The following PDZD2 variants were observed in gnomAD, a reference collection of about 807,000 sequenced individuals.
PDZD2 encodes the protein PDZ domain-containing protein 2.
Under a neutral mutation model 220.7 loss-of-function variants are expected in PDZD2, and 90 were observed. That is an observed-to-expected ratio of 0.41 (90% CI 0.34 to 0.49). The LOEUF (loss-of-function observed/expected upper bound fraction) is 0.49. Ranked by LOEUF, PDZD2 falls within the 20% of genes least tolerant of loss-of-function variation. The pLI is 0.28. For missense variants in PDZD2, 3,174 were observed against 3,608.5 expected (o/e 0.88, Z 3.08); for synonymous variants, 1,375 against 1,450.5 (o/e 0.95, Z 1.18).
chr5:31,917,266 G>A (rs1007762377), intron 2 of PDZD2, among the ~76,000 whole-genome samples: 4 of 152,202 alleles, frequency 2.6e-5, no homozygotes, highest in African/African-American at 9.6e-5. Flanking sequence ...AGTGAGATCT[G>A]GATGGGTGCA....
At chr5:31,785,328 C>T (rs944262810) in intron 1 of PDZD2, among the ~76,000 whole-genome samples, 1 of 150,724 alleles carries the variant, frequency 6.6e-6, no homozygotes, top group African/African-American at 2.4e-5. Context: ...TGTGGCACCT[C>T]CCTGGCAGTG....
chr5:31,804,136 T>G (rs1287824662), intron 2 of PDZD2, among the ~76,000 whole-genome samples: 1 of 152,124 alleles, frequency 6.6e-6, no homozygotes, highest in Admixed American at 6.5e-5. Flanking sequence ...AAATCTTGTT[T>G]AGTGGTCAGC....
In PDZD2 at chr5:31,874,800, G is replaced by A. The variant is rs181884077; in HGVS notation, c.476+75076G>A. Among the ~76,000 whole-genome samples the A allele has an allele frequency of 6.9e-4, 104 of 150,188 alleles. 1 individual carries two copies. The highest frequency in any genetic ancestry group is 2.4e-3 in the African/African-American group (98 of 40,900). On this transcript the variant is annotated intron_variant, in intron 2 of 24. Transcript: ENST00000438447. Reference sequence around the variant, plus strand: ...AAGATAAAATGCAAAACAGAATCTAGCAAACATCTATATGTCTGCCACTCA... The same window carrying A: ...AAGATAAAATGCAAAACAGAATCTAACAAACATCTATATGTCTGCCACTCA...
chr5:31,898,179 G>T (rs1270441044), intron 2 of PDZD2, among the ~76,000 whole-genome samples: 4 of 152,218 alleles, frequency 2.6e-5, no homozygotes, highest in African/African-American at 9.6e-5. Context: ...AGTATGGTCG[G>T]ATCCAGAGCT....
chr5:32,034,174 G>GT (rs1755341983), intron 6 of PDZD2, among the ~76,000 whole-genome samples: 1 of 152,004 alleles, frequency 6.6e-6, no homozygotes, highest in Admixed American at 6.6e-5. Context: ...GGCTGGCATG[G>GT]TTTTCCTTGC....
intron 5 of PDZD2, among the ~76,000 whole-genome samples, chr5:32,003,331 C>CCCAACACACACA: frequency 1.4e-5 from 1 of 69,710 alleles, no homozygotes; most frequent in Non-Finnish European, 2.5e-5. Flanking sequence ...ACACACACCC[C>CCCAACACACACA]CACCACACCA....
chr5:31,881,759 AG>A (rs1355481742), intron 2 of PDZD2, among the ~76,000 whole-genome samples: 1 of 151,058 alleles, frequency 6.6e-6, no homozygotes, highest in Non-Finnish European at 1.5e-5. Context: ...TCTGTCACTC[AG>A]GCTGGAGTGC....
chr5:31,903,375 G>A (rs1245594652), intron 2 of PDZD2, among the ~76,000 whole-genome samples: 1 of 151,882 alleles, frequency 6.6e-6, no homozygotes, highest in Non-Finnish European at 1.5e-5. Flanking sequence ...GGTCGGGCAT[G>A]GTGGCTGACA....
chr5:32,003,405 C>T (rs1752529238), intron 5 of PDZD2, among the ~76,000 whole-genome samples: 1 of 117,400 alleles, frequency 8.5e-6, no homozygotes, highest in African/African-American at 3.2e-5. Context: ...CACACACACA[C>T]TCCTCCACAC....
Position 32,011,559 on chromosome 5 carries a change from G to T in PDZD2, c.1407+1077G>T, listed in dbSNP as rs372670708. Among the ~76,000 whole-genome samples the T allele has an allele frequency of 6.0e-4, 91 of 152,216 alleles. No homozygotes were observed. The South Asian group carries it at 0.01, about 17-fold the overall frequency. ...TCTTTGCGTCCCAAATCTGAAAGAT[G>T]TGTCATTTTTAGTGTGAACTCTTAT... On this transcript the variant is annotated intron_variant, in intron 6 of 24. Transcript: ENST00000438447.
At chr5:31,749,934 C>T (rs1439263194) in intron 1 of PDZD2, among the ~76,000 whole-genome samples, 1 of 152,208 alleles carries the variant, frequency 6.6e-6, no homozygotes, top group South Asian at 2.1e-4. Context: ...TGGCATCCCG[C>T]CATGATGTTG....
chr5:32,074,459 A>G lies in PDZD2; in HGVS notation c.3353A>G (p.His1118Arg), dbSNP rs1188986589. The G allele has an allele frequency of 1.9e-6, 3 of 1,613,986 alleles. No individual in the cohort carries two copies. The change falls in exon 18 of 25, where the codon CAC becomes CGC. Residue 1118 changes from histidine (H) to arginine (R), a missense_variant. Around this residue, in one of 4 missense-constraint regions of PDZD2, gnomAD observed 1,861 missense variants for 2,001.0 expected, o/e 0.93. Transcript: ENST00000438447. ...QQKSEGLGSR[H>R]RPVARVSPHC... ...AAAAGTGAAGGCCTGGGCTCCAGGC[A>G]CAGACCAGTGGCCAGGGTAAGCCCC... is the stretch of plus-strand genomic sequence containing the variant.
chr5:31,769,727 A>G (rs1474343472), intron 1 of PDZD2, among the ~76,000 whole-genome samples: 4 of 152,228 alleles, frequency 2.6e-5, no homozygotes, highest in Non-Finnish European at 5.9e-5. Flanking sequence ...GGAGGGTGGC[A>G]GGGTTCCAGG....
In PDZD2 at chr5:31,763,870, T is replaced by TTAAAAAAAAA. The variant is rs1401600794; in HGVS notation, c.-360-35019_-360-35018insTAAAAAAAAA. Among the ~76,000 whole-genome samples, 373 of 137,514 alleles carry TTAAAAAAAAA rather than the reference T, an allele frequency of 2.7e-3. 8 individuals are homozygous for TTAAAAAAAAA. The highest frequency in any genetic ancestry group is 9.8e-3 in the African/African-American group (364 of 37,058). 90.2% of individuals were successfully genotyped at this position (137,514 alleles called of 152,430 possible). A position where few individuals can be genotyped will look rare whatever the true frequency, so the allele number is the denominator to read the frequency against. On this transcript the variant is annotated intron_variant, in intron 1 of 24. Transcript: ENST00000438447. ...AAAGGAGAGGAGGGAGCCCTCTGAT[T>TTAAAAAAAAA]AAAAAAAAAAAAAAAAAAGTCATAG...
intron 2 of PDZD2, among the ~76,000 whole-genome samples, chr5:31,977,181 A>G (rs73070436): frequency 0.024 from 3,722 of 152,156 alleles, 164 homozygotes; most frequent in African/African-American, 0.086. Flanking sequence ...AATTGCACAC[A>G]TAGACATCCA....
chr5:31,897,743 C>CTTT (rs34233036), intron 2 of PDZD2, among the ~76,000 whole-genome samples: 2,697 of 146,878 alleles, frequency 0.018, 99 homozygotes, highest in African/African-American at 0.064. Flanking sequence ...TGACTGTTGG[C>CTTT]TTTTTTTTTT....
At chr5:31,853,691 C>T (rs1471336600) in intron 2 of PDZD2, among the ~76,000 whole-genome samples, 2 of 152,152 alleles carry the variant, frequency 1.3e-5, no homozygotes, top group Non-Finnish European at 2.9e-5. Context: ...TCGAATTCCA[C>T]CAGATCTGTC....
At chr5:31,804,696 A>G (rs1754610004) in intron 2 of PDZD2, among the ~76,000 whole-genome samples, 1 of 148,480 alleles carries the variant, frequency 6.7e-6, no homozygotes, top group African/African-American at 2.4e-5. Context: ...GTGCGATACT[A>G]CCTCAACTTC....
chr5:31,910,169 A>C (rs1350156102), intron 2 of PDZD2, among the ~76,000 whole-genome samples: 1 of 151,532 alleles, frequency 6.6e-6, no homozygotes, highest in African/African-American at 2.4e-5. Context: ...AGTTCATGAA[A>C]GGCAGAGTCA....
Sources: gnomAD v4.1 joint callset for allele counts (sites outside exome capture counted in the v4.1 genomes callset) on GRCh38, gnomAD v4.1.1 for gene constraint, gnomAD v4.1.1 regional missense constraint, MANE v1.5 for transcripts, NCBI Gene and HGNC (gene_info 2026-07-23, HGNC 2026-07-21) for gene names.